ASTN2: variants seen among roughly 807,000 people sequenced by gnomAD.
ASTN2 encodes the protein astrotactin-2.
Under a neutral mutation model 139.8 loss-of-function variants are expected in ASTN2, and 54 were observed. The observed-to-expected ratio is 0.39, with a 90% CI of 0.31 to 0.48. The LOEUF is 0.48. Ranked by LOEUF, ASTN2 falls within the 20% of genes least tolerant of loss-of-function variation. The probability of loss-of-function intolerance (pLI) is 0.95; values close to 1 mark genes in which losing one functional copy is unlikely to be tolerated. For missense variants in ASTN2, 1,565 were observed against 1,725.1 expected (o/e 0.91, Z 1.64); for synonymous variants, 756 against 719.5 (o/e 1.05, Z -0.81).
chr9:117,412,328 G>A (rs1831190423), intron 1 of ASTN2, among the ~76,000 whole-genome samples: 1 of 152,126 alleles, frequency 6.6e-6, no homozygotes, highest in African/African-American at 2.4e-5. Flanking sequence ...GGGGCAGAGG[G>A]TCCCAAGCTG....
chr9:116,686,824 T>G lies in ASTN2; in HGVS notation c.2807-35031A>C, dbSNP rs751527505. On this transcript the variant is annotated intron_variant, in intron 16 of 22. Transcript: ENST00000313400. ...TGTTCATGGATAAACTTGTCTCTAG[T>G]GCAGCTCTCTGTCAGAGCACAGAAC... 5.2e-6 allele frequency: 8 copies of G among 1,550,498 alleles called. No homozygotes were observed. In the South Asian group the frequency reaches 9.5e-5, roughly 18 times the overall value.
intron 7 of ASTN2, 131 bp from the exon 8 acceptor site, chr9:116,976,916 A>G (rs1215656622): frequency 1.0e-5 from 7 of 697,694 alleles, no homozygotes; most frequent in Non-Finnish European, 1.5e-5. Context: ...AAAGAGGGTA[A>G]TCTTGTCCAT....
chr9:117,214,220 CA>C, intron 3 of ASTN2, 137 bp downstream of exon 3: 2 of 1,057,784 alleles, frequency 1.9e-6, no homozygotes, highest in Non-Finnish European at 2.7e-6. Context: ...GATAACCCAA[CA>C]GAAATCTAAA....
intron 5 of ASTN2, among the ~76,000 whole-genome samples, chr9:117,070,504 C>A: frequency 8.6e-6 from 1 of 116,462 alleles, no homozygotes; most frequent in Admixed American, 9.1e-5. Flanking sequence ...TTGCTCTTCT[C>A]GAGGAGTATC....
intron 10 of ASTN2, among the ~76,000 whole-genome samples, chr9:116,933,051 G>GTTGT (rs1053164593): frequency 2.0e-5 from 3 of 150,054 alleles, no homozygotes; most frequent in African/African-American, 7.3e-5. Flanking sequence ...TCAGTCCTAG[G>GTTGT]TTGTTACTTC....
chr9:116,482,634 G>A (rs1849208137), intron 20 of ASTN2, among the ~76,000 whole-genome samples: 1 of 152,040 alleles, frequency 6.6e-6, no homozygotes, highest in Non-Finnish European at 1.5e-5. Flanking sequence ...GAGAGCAAAT[G>A]TGAAACTTGC....
rs1385443703 is a variant in ASTN2 at position 117,149,527 on chromosome 9, G to A, written c.1016-8049C>T. On this transcript the variant is annotated intron_variant, in intron 3 of 22. Coordinates refer to ENST00000313400, the MANE Select transcript of ASTN2 (RefSeq NM_001365068.1). ...CCTCAGTTTGTGTCCTCGGGCTTTG[G>A]ACTTTGCACAGTCAAATGCCAGGAC... Among the ~76,000 whole-genome samples, 9 of 152,098 alleles carry A rather than the reference G, an allele frequency of 5.9e-5. No homozygotes were observed. In the South Asian group the frequency reaches 1.7e-3, roughly 28 times the overall value.
intron 19 of ASTN2, among the ~76,000 whole-genome samples, chr9:116,535,477 C>T (rs187574547): frequency 2.4e-3 from 370 of 152,076 alleles, no homozygotes; most frequent in African/African-American, 7.9e-3. Context: ...TGCAATTTGG[C>T]GTGTTTTTGC....
At chr9:116,432,421 C>T (rs1180018278) in intron 22 of ASTN2, among the ~76,000 whole-genome samples, 2 of 152,154 alleles carry the variant, frequency 1.3e-5, no homozygotes, top group Non-Finnish European at 1.5e-5. Flanking sequence ...ATTCTAAACT[C>T]GGACTCCAAC....
At chr9:117,232,422 G>T (rs1163901753) in intron 2 of ASTN2, among the ~76,000 whole-genome samples, 1 of 151,980 alleles carries the variant, frequency 6.6e-6, no homozygotes, top group Admixed American at 6.6e-5. Context: ...TTCTTTTGCC[G>T]TAGGAACCAG....
intron 2 of ASTN2, among the ~76,000 whole-genome samples, chr9:117,229,156 G>A (rs897158375): frequency 6.6e-6 from 1 of 152,108 alleles, no homozygotes; most frequent in East Asian, 1.9e-4. Flanking sequence ...CTGCTGGCAG[G>A]ACAGGCAACC....
intron 2 of ASTN2, among the ~76,000 whole-genome samples, chr9:117,263,068 T>G (rs991049120): frequency 1.3e-5 from 2 of 152,216 alleles, no homozygotes; most frequent in Non-Finnish European, 2.9e-5. Context: ...ACTAAATCTG[T>G]GTTGTTTCAA....
At chr9:116,950,854 G>A (rs1405544145) in intron 10 of ASTN2, among the ~76,000 whole-genome samples, 1 of 152,148 alleles carries the variant, frequency 6.6e-6, no homozygotes, top group Non-Finnish European at 1.5e-5. Flanking sequence ...GTCCTTGGCT[G>A]GGACAAAACA....
chr9:117,390,580 G>C (rs1289328747), intron 1 of ASTN2, among the ~76,000 whole-genome samples: 1 of 152,142 alleles, frequency 6.6e-6, no homozygotes, highest in African/African-American at 2.4e-5. Context: ...ATGTCATATA[G>C]TTGAAATCAT....
intron 11 of ASTN2, among the ~76,000 whole-genome samples, chr9:116,849,135 C>T (rs1832520675): frequency 6.6e-6 from 1 of 152,164 alleles, no homozygotes; most frequent in Admixed American, 6.5e-5. Context: ...AGTTTCCATG[C>T]CCTGTCTGAG....
At chr9:116,774,666 T>G (rs1830035893) in intron 13 of ASTN2, among the ~76,000 whole-genome samples, 1 of 151,592 alleles carries the variant, frequency 6.6e-6, no homozygotes, top group Non-Finnish European at 1.5e-5. Context: ...TGGCTCTTAG[T>G]CTGCTCTACT....
Position 116,503,573 on chromosome 9 carries a change from C to T in ASTN2, c.3356-16073G>A, listed in dbSNP as rs142861299. Among the ~76,000 whole-genome samples the T allele has an allele frequency of 3.3e-3, 506 of 152,260 alleles. 3 individuals are homozygous for T. The highest frequency in any genetic ancestry group is 0.012 in the African/African-American group (484 of 41,538). ...TGTTTAATAACTGCCTTGGGTTACACTGAATGAGTAAACATGTTTTACAAG... is the reference window on the plus strand; with the variant it reads ...TGTTTAATAACTGCCTTGGGTTACATTGAATGAGTAAACATGTTTTACAAG... On this transcript the variant is annotated intron_variant, in intron 19 of 22. Transcript: ENST00000313400.
chr9:117,299,430 A>G (rs1399927001), intron 1 of ASTN2, among the ~76,000 whole-genome samples: 1 of 152,212 alleles, frequency 6.6e-6, no homozygotes, highest in Non-Finnish European at 1.5e-5. Flanking sequence ...AAAGGAGATT[A>G]CTTCTGGCTG....
intron 20 of ASTN2, among the ~76,000 whole-genome samples, chr9:116,478,230 G>C (rs1321507346): frequency 7.8e-5 from 9 of 115,352 alleles, no homozygotes; most frequent in Non-Finnish European, 1.5e-4. Flanking sequence ...GGGGGAGTAA[G>C]GGGGGAGGGA....
Sources: gnomAD v4.1 joint callset for allele counts (sites outside exome capture counted in the v4.1 genomes callset) on GRCh38, gnomAD v4.1.1 for gene constraint, MANE v1.5 for transcripts, NCBI Gene and HGNC (gene_info 2026-07-23, HGNC 2026-07-21) for gene names.